The following RYR2 variants were observed in gnomAD, a reference collection of about 807,000 sequenced individuals.
The protein encoded by RYR2 is ryanodine receptor 2.
Under a neutral mutation model 601.1 loss-of-function variants are expected in RYR2, and 227 were observed. That is an observed-to-expected ratio of 0.38 (90% CI 0.34 to 0.42). RYR2 has a LOEUF of 0.42. Ranked by LOEUF, RYR2 falls within the 10% of genes least tolerant of loss-of-function variation. The pLI, the probability that RYR2 is intolerant of heterozygous loss-of-function variation, is 1.00. For missense variants in RYR2, 4,646 were observed against 6,156.5 expected, an observed-to-expected ratio of 0.75 and a Z score of 8.21; for synonymous variants, 2,223 against 2,175.1, an observed-to-expected ratio of 1.02 and a Z score of -0.61.
rs1398989207 is a variant in RYR2, at chr1:237,726,306, C to G, written c.10723C>G (p.Leu3575Val). The G allele has an allele frequency of 2.5e-6, 4 of 1,582,802 alleles. No homozygotes were observed. Among genetic ancestry groups the G allele is most frequent in the Non-Finnish European group, 8.6e-7 (1 of 1,157,570 alleles). The change falls in exon 75 of 105, where the codon CTG (leucine) becomes GTG (valine). Residue 3575 changes from leucine (L) to valine (V), a missense_variant and splice_region_variant. Coordinates refer to ENST00000366574, the MANE Select transcript of RYR2 (RefSeq NM_001035.3). ...SKRVGRRHYC[L>V]VEHPQRSKKA... The stretch of plus-strand genomic sequence containing the variant: ...ACGTGTGGGTCGGAGACATTACTGT[C>G]TGGGAAGTACAGTGCTCAATGGCCT...
intron 58 of RYR2, among the ~76,000 whole-genome samples, chr1:237,672,089 A>T (rs1188119841): frequency 6.6e-6 from 1 of 152,160 alleles, no homozygotes; most frequent in Non-Finnish European, 1.5e-5. Flanking sequence ...TTGAGGGTGG[A>T]GGAGCAACGT....
chr1:237,218,589 C>T (rs1558445067), intron 1 of RYR2, among the ~76,000 whole-genome samples: 2 of 152,100 alleles, frequency 1.3e-5, no homozygotes, highest in Admixed American at 1.3e-4. Flanking sequence ...TTTCTTTCAA[C>T]TTTAGTGAAA....
chr1:237,530,166 C>T (rs1208336565), intron 24 of RYR2, among the ~76,000 whole-genome samples: 3 of 151,940 alleles, frequency 2.0e-5, no homozygotes, highest in Non-Finnish European at 2.9e-5. Context: ...AAAAAATTAG[C>T]CGGGTGTGGT....
chr1:237,101,543 G>A (rs984930042), intron 1 of RYR2, among the ~76,000 whole-genome samples: 5 of 152,052 alleles, frequency 3.3e-5, no homozygotes, highest in Non-Finnish European at 7.3e-5. Context: ...ACACACTCTC[G>A]ATCTTACAAG....
At chr1:237,630,888 G>T (rs1471978435) in intron 41 of RYR2, among the ~76,000 whole-genome samples, 1 of 152,066 alleles carries the variant, frequency 6.6e-6, no homozygotes, top group Non-Finnish European at 1.5e-5. Context: ...TGTATACTCA[G>T]TTTCTCTTGG....
intron 59 of RYR2, 139 bp from the exon 60 acceptor site, chr1:237,674,592 A>C (rs1176749438): frequency 2.2e-6 from 1 of 453,368 alleles, no homozygotes; most frequent in African/African-American, 2.0e-5. Flanking sequence ...CTACAATAAC[A>C]TTAGAAAAAC....
At chr1:237,387,404 G>A (rs772801032) in intron 9 of RYR2, 24 bp downstream of exon 9, 5 of 1,599,464 alleles carry the variant, frequency 3.1e-6, no homozygotes, top group Non-Finnish European at 3.4e-6. Context: ...TTCAATTAGA[G>A]GGCCTGTCCT....
At chr1:237,366,879 T>C (rs1291804232) in intron 5 of RYR2, among the ~76,000 whole-genome samples, 1 of 152,128 alleles carries the variant, frequency 6.6e-6, no homozygotes. Flanking sequence ...AACATAAATC[T>C]GGTATGAAAA....
At chr1:237,302,993 A>G (rs1045081642) in intron 2 of RYR2, among the ~76,000 whole-genome samples, 6 of 152,154 alleles carry the variant, frequency 3.9e-5, no homozygotes, top group Non-Finnish European at 2.9e-5. Context: ...CTGGGCATCA[A>G]AATAAGAAAA....
intron 84 of RYR2, among the ~76,000 whole-genome samples, chr1:237,767,829 C>T (rs1558373456): frequency 6.6e-6 from 1 of 152,096 alleles, no homozygotes; most frequent in African/African-American, 2.4e-5. Flanking sequence ...GATGCAGAAT[C>T]GATCTTAAGG....
rs1265208498 is a variant in RYR2 at position 237,614,802 on chromosome 1, G to A, written c.5674G>A (p.Gly1892Ser). 6.3e-7 allele frequency: 1 copy of A among 1,597,634 alleles called. No individual in the cohort carries two copies. Among genetic ancestry groups the A allele is most frequent in the Non-Finnish European group, 8.5e-7 (1 of 1,171,412 alleles). The change falls in exon 37 of 105, where the codon GGC (glycine) becomes AGC (serine). Residue 1892 changes from glycine (G) to serine (S), a missense_variant. By Grantham distance (56) the Gly-to-Ser change is moderately conservative. Coordinates refer to ENST00000366574, the MANE Select transcript of RYR2 (RefSeq NM_001035.3). This position sits in a 1 kb window ranked among gnomAD's most constrained non-coding sequence, Gnocchi z 4.3. ...CAAGGGGGGCAAGCGGCCCAAGGAAGGCCTGCTCCAAATGAAACTGCCAGA... is the reference window on the plus strand; with the variant it reads ...CAAGGGGGGCAAGCGGCCCAAGGAAAGCCTGCTCCAAATGAAACTGCCAGA... ...EAKGGKRPKE[G>S]LLQMKLPEPV...
chr1:237,340,546 T>TTAGTG (rs1697681143), intron 3 of RYR2, among the ~76,000 whole-genome samples: 1 of 152,208 alleles, frequency 6.6e-6, no homozygotes, highest in South Asian at 2.1e-4. Flanking sequence ...TGTGTTTATA[T>TTAGTG]TGTAGACAAT....
intron 1 of RYR2, among the ~76,000 whole-genome samples, chr1:237,204,605 C>T (rs1230385428): frequency 2.6e-5 from 4 of 152,110 alleles, no homozygotes; most frequent in Non-Finnish European, 4.4e-5. Context: ...TCATCCATCA[C>T]GCCTGGGAAA....
chr1:237,643,221 T>C, intron 47 of RYR2, 106 bp from the exon 48 acceptor site: 1 of 1,414,746 alleles, frequency 7.1e-7, no homozygotes, highest in Non-Finnish European at 9.7e-7. Context: ...TATACACTGA[T>C]CAGAAAATTA....
At chr1:237,174,657 T>C (rs1362078798) in intron 1 of RYR2, among the ~76,000 whole-genome samples, 2 of 152,332 alleles carry the variant, frequency 1.3e-5, no homozygotes, top group East Asian at 3.9e-4. Context: ...GCCAATCTCA[T>C]GTTCTAATAT....
rs1481065877 is a variant in RYR2, at chr1:237,436,431, C to CCGAGGGA, written c.1006-4887_1006-4881dup. ...TACCAGAGTAACTTCTCCTGAGAAG[C>CCGAGGGA]CGAGGGATAATGTGTGATTTTCCTT... On this transcript the variant is annotated intron_variant, in intron 12 of 104. Coordinates refer to ENST00000366574, the MANE Select transcript of RYR2 (RefSeq NM_001035.3). Among the ~76,000 whole-genome samples, 5 of 101,808 alleles carry CCGAGGGA rather than the reference C, an allele frequency of 4.9e-5. No homozygotes were observed. In the Admixed American group the frequency reaches 5.0e-4, roughly 10 times the overall value. The allele number at this position is 101,808 out of a possible 152,430, so 66.8% of individuals were successfully genotyped here. A position where few individuals can be genotyped will look rare whatever the true frequency, so the allele number is the denominator to read the frequency against.
chr1:237,125,475 C>T (rs1671310365), intron 1 of RYR2, among the ~76,000 whole-genome samples: 2 of 149,724 alleles, frequency 1.3e-5, no homozygotes, highest in Non-Finnish European at 3.0e-5. Context: ...ATTCTTTTAA[C>T]ACTGAAATTG....
At chr1:237,190,771 T>C (rs1274165721) in intron 1 of RYR2, among the ~76,000 whole-genome samples, 1 of 152,232 alleles carries the variant, frequency 6.6e-6, no homozygotes. Flanking sequence ...GGGCATCCAC[T>C]GATTCTAGTA....
At chr1:237,323,973 C>A (rs144735879) in intron 2 of RYR2, among the ~76,000 whole-genome samples, 1 of 152,186 alleles carries the variant, frequency 6.6e-6, no homozygotes, top group Non-Finnish European at 1.5e-5. Flanking sequence ...TAACCTCTGG[C>A]GCAAAGTGGG....
Sources: gnomAD v4.1 joint callset for allele counts (sites outside exome capture counted in the v4.1 genomes callset) on GRCh38, gnomAD v4.1.1 for gene constraint, Gnocchi (gnomAD v3.1) non-coding constraint, MANE v1.5 for transcripts, NCBI Gene and HGNC (gene_info 2026-07-23, HGNC 2026-07-21) for gene names.